The following SMARCAD1 variants were observed in gnomAD, a reference collection of about 807,000 sequenced individuals.
SMARCAD1 encodes SWI/SNF-related matrix-associated actin-dependent regulator of chromatin subfamily A containing DEAD/H box 1.
SMARCAD1 carries 25 observed loss-of-function variants against 127.1 expected under a neutral mutation model. That is an observed-to-expected ratio of 0.20 (90% confidence interval 0.14 to 0.27). SMARCAD1 has a LOEUF of 0.27. Among genes scored for constraint, SMARCAD1 ranks in the 10% least tolerant of loss-of-function variants. The probability of loss-of-function intolerance (pLI) is 1.00; values close to 1 mark genes in which losing one functional copy is unlikely to be tolerated. For missense variants in SMARCAD1, 807 were observed against 1,206.0 expected, an observed-to-expected ratio of 0.67 and a Z score of 4.90; for synonymous variants, 400 against 396.9, an observed-to-expected ratio of 1.01 and a Z score of -0.09.
At position 94,278,957 on chromosome 4, in the gene SMARCAD1, G is replaced by A; in HGVS notation, c.2325G>A (p.Met775Ile). ...LEKNTEMCNVMMQLRKMANHP... is the reference protein window; with the variant it reads ...LEKNTEMCNVIMQLRKMANHP... ...AAAACACAGAAATGTGCAATGTCAT[G>A]ATGCAGTTGAGGAAAATGGCCAATC... The change falls in exon 19 of 24, where the codon ATG (methionine) becomes ATA (isoleucine). Residue 775 changes from methionine (M) to isoleucine (I), a missense_variant. Met to Ile is a conservative substitution (Grantham distance 10). Around this residue, in one of 8 missense-constraint regions of SMARCAD1, gnomAD observed 99 missense variants for 126.0 expected, o/e 0.79. Transcript: ENST00000354268. 1 of 1,614,046 alleles carries A rather than the reference G, an allele frequency of 6.2e-7. No individual in the cohort carries two copies. Among genetic ancestry groups the A allele is most frequent in the South Asian group, 1.1e-5 (1 of 91,072 alleles).
intron 9 of SMARCAD1, among the ~76,000 whole-genome samples, chr4:94,254,623 A>G (rs1311084629): frequency 6.6e-6 from 1 of 152,120 alleles, no homozygotes; most frequent in Non-Finnish European, 1.5e-5. Flanking sequence ...TAAACCTCCT[A>G]ACATCTTGCC....
In SMARCAD1 at chr4:94,226,141, T is replaced by G. The variant is rs1744947843; in HGVS notation, c.213T>G (p.Thr71=). The stretch of plus-strand genomic sequence containing the variant: ...CAGAAGATTCTAGTGTTCCAGAAAC[T>G]CCAGATAATGAAAGAAAAGCAAGTA... ...EKTEDSSVPE[T]PDNERKASIS... is the part of the protein sequence containing the mutation. The change falls in exon 3 of 24, where the codon ACT becomes ACG. Residue 71 remains threonine (T), a synonymous_variant. Transcript: ENST00000354268. 3.1e-6 allele frequency: 5 copies of G among 1,610,924 alleles called. No homozygotes were observed. The East Asian group carries it at 1.1e-4, about 36-fold the overall frequency.
chr4:94,240,289 G>T (rs909391740), intron 5 of SMARCAD1, among the ~76,000 whole-genome samples: 5 of 152,124 alleles, frequency 3.3e-5, no homozygotes, highest in Non-Finnish European at 7.4e-5. Flanking sequence ...GCTCTAGTTT[G>T]TTTTCTTCCA....
chr4:94,253,911 C>T (rs1382540755), intron 9 of SMARCAD1, among the ~76,000 whole-genome samples: 1 of 152,014 alleles, frequency 6.6e-6, no homozygotes, highest in Non-Finnish European at 1.5e-5. Context: ...AAAGATGCAG[C>T]GACTCTTGAT....
At position 94,241,001 on chromosome 4, in the gene SMARCAD1, G is replaced by T; in HGVS notation, c.700G>T (p.Asp234Tyr). ...DDQSIKKTRLDHGEESNESAE... is the reference protein window; with the variant it reads ...DDQSIKKTRLYHGEESNESAE... ...TCAATCTATAAAAAAGACAAGACTG[G>T]ATCATGTAAGTTTACATTTGAATTA... The change falls in exon 6 of 24, where the codon GAT (aspartate) becomes TAT (tyrosine). Residue 234 changes from aspartate to tyrosine, a missense_variant. Asp to Tyr is a radical substitution (Grantham distance 160). Coordinates refer to ENST00000354268, the MANE Select transcript of SMARCAD1 (RefSeq NM_020159.5). 1 of 1,603,518 alleles carries T rather than the reference G, an allele frequency of 6.2e-7. No individual in the cohort carries two copies. The highest frequency in any genetic ancestry group is 2.2e-5 in the East Asian group (1 of 44,712).
At chr4:94,248,363 T>C in intron 6 of SMARCAD1, 1 of 394,276 alleles carries the variant, frequency 2.5e-6, no homozygotes, top group South Asian at 1.8e-5. Flanking sequence ...AACTGAAGTT[T>C]AGTTTTCACT....
At chr4:94,244,596 T>C (rs934836686) in intron 6 of SMARCAD1, among the ~76,000 whole-genome samples, 2 of 152,232 alleles carry the variant, frequency 1.3e-5, no homozygotes, top group Admixed American at 6.5e-5. Context: ...AAGCCAATAA[T>C]GTCACTCACC....
chr4:94,208,454 G>C lies in SMARCAD1; in HGVS notation c.60G>C (p.Ala20=). 8 of 1,614,022 alleles carry C rather than the reference G, an allele frequency of 5.0e-6. No homozygotes were observed. Among genetic ancestry groups the C allele is most frequent in the South Asian group, 1.1e-5 (1 of 91,072 alleles). The change falls in exon 2 of 24, where the codon GCG becomes GCC. Residue 20 remains alanine, a synonymous_variant. Coordinates refer to ENST00000354268, the MANE Select transcript of SMARCAD1 (RefSeq NM_020159.5). ...RFEKRNKIEE[A]PEATPQPSQP... ...AGAAAAGGAATAAGATTGAGGAAGC[G>C]CCCGAAGCAACCCCTCAACCTTCCC...
chr4:94,271,271 A>T (rs567194057), intron 11 of SMARCAD1, among the ~76,000 whole-genome samples: 1 of 152,212 alleles, frequency 6.6e-6, no homozygotes, highest in South Asian at 2.1e-4. Flanking sequence ...ATCCACATAT[A>T]TATCAGCAAC....
chr4:94,216,994 C>T (rs760350721), intron 2 of SMARCAD1, among the ~76,000 whole-genome samples: 4 of 152,096 alleles, frequency 2.6e-5, no homozygotes, highest in Non-Finnish European at 5.9e-5. Flanking sequence ...TAATTTTTTG[C>T]GGAACCTCCA....
intron 22 of SMARCAD1, 35 bp from the exon 23 acceptor site, chr4:94,284,925 A>G (rs934250046): frequency 3.3e-6 from 4 of 1,226,684 alleles, no homozygotes; most frequent in Middle Eastern, 2.1e-4. Context: ...AACTATATTT[A>G]GTAACCAATG....
intron 10 of SMARCAD1, among the ~76,000 whole-genome samples, chr4:94,269,275 G>A (rs1477691354): frequency 6.6e-6 from 1 of 152,138 alleles, no homozygotes; most frequent in East Asian, 1.9e-4. Flanking sequence ...CTATAGCTAT[G>A]TCCAGACCCT....
intron 23 of SMARCAD1, among the ~76,000 whole-genome samples, chr4:94,287,846 AAT>A (rs1197741706): frequency 6.6e-6 from 1 of 152,052 alleles, no homozygotes; most frequent in African/African-American, 2.4e-5. Context: ...TTATTACAGA[AAT>A]AGTCATACAA....
In SMARCAD1 at chr4:94,208,409, C is replaced by T. The variant is rs201340263; in HGVS notation, c.15C>T (p.Asn5=). The change falls in exon 2 of 24, where the codon AAC becomes AAT. Residue 5 remains asparagine, a synonymous_variant. Coordinates refer to ENST00000354268, the MANE Select transcript of SMARCAD1 (RefSeq NM_020159.5). MNLF[N]LDRFRFEKRN... ...TTTCTACCAATATGAATCTTTTCAA[C>T]CTGGACCGTTTTCGCTTTGAGAAAA... The T allele has an allele frequency of 1.2e-6, 2 of 1,614,056 alleles. No individual in the cohort carries two copies. Among genetic ancestry groups the T allele is most frequent in the Admixed American group, 1.7e-5 (1 of 60,014 alleles).
In SMARCAD1 at chr4:94,284,343, A is replaced by G. The variant is rs1322696343; in HGVS notation, c.2910-617A>G. 4.4e-4 allele frequency among the ~76,000 whole-genome samples: 46 copies of G among 104,784 alleles called. 1 individual carries two copies. Among genetic ancestry groups the G allele is most frequent in the Admixed American group, 2.3e-3 (20 of 8,830 alleles). 68.7% of individuals were successfully genotyped at this position (104,784 alleles called of 152,430 possible). ...CTCCGTCTCAAAAAAAAAAAAAAAA[A>G]AAAAAAAAAAGAAAAAAGTAATTTC... is the stretch of plus-strand genomic sequence containing the variant. On this transcript the variant is annotated intron_variant, in intron 22 of 23. Transcript: ENST00000354268.
rs758474561 is a variant in SMARCAD1, at chr4:94,236,947, G to T, written c.538-5G>T. On this transcript the variant is annotated splice_polypyrimidine_tract_variant and splice_region_variant and intron_variant, in intron 4 of 23. Coordinates refer to ENST00000354268, the MANE Select transcript of SMARCAD1 (RefSeq NM_020159.5). ...TAAAACATTAATCTTTTCTCGTTCT[G>T]TTAGTTGATTGAATCAACAAGCACT... 2.5e-6 allele frequency: 4 copies of T among 1,611,152 alleles called. No individual in the cohort carries two copies. Among genetic ancestry groups the T allele is most frequent in the Non-Finnish European group, 1.7e-6 (2 of 1,177,824 alleles).
At chr4:94,275,598 T>G (rs1753141015) in intron 14 of SMARCAD1, among the ~76,000 whole-genome samples, 1 of 152,090 alleles carries the variant, frequency 6.6e-6, no homozygotes, top group Admixed American at 6.5e-5. Context: ...AGCTGCTAGC[T>G]ATTAACTATT....
chr4:94,234,095 A>G lies in SMARCAD1; in HGVS notation c.510A>G (p.Pro170=), dbSNP rs953964523. ...TTCAGACTTTGAAGGAACTTTTTCC[A>G]CAAAGAAGTGACAATGATTTACTTA... ...AKLQTLKELF[P]QRSDNDLLKL... The change falls in exon 4 of 24, where the codon CCA becomes CCG. Residue 170 remains proline (P), a synonymous_variant. Coordinates refer to ENST00000354268, the MANE Select transcript of SMARCAD1 (RefSeq NM_020159.5). 2.3e-5 allele frequency: 37 copies of G among 1,610,820 alleles called. No homozygotes were observed. Among genetic ancestry groups the G allele is most frequent in the Non-Finnish European group, 2.9e-5 (34 of 1,178,138 alleles).
intron 23 of SMARCAD1, among the ~76,000 whole-genome samples, chr4:94,289,216 G>A (rs1371106440): frequency 2.0e-5 from 3 of 151,990 alleles, no homozygotes; most frequent in Non-Finnish European, 4.4e-5. Flanking sequence ...GTGTATTACC[G>A]TGTATTTTTA....
Sources: gnomAD v4.1 joint callset for allele counts (sites outside exome capture counted in the v4.1 genomes callset) on GRCh38, gnomAD v4.1.1 for gene constraint, gnomAD v4.1.1 regional missense constraint, MANE v1.5 for transcripts, NCBI Gene and HGNC (gene_info 2026-07-23, HGNC 2026-07-21) for gene names.